The following IRAK1BP1 variants were observed in gnomAD, a reference collection of about 807,000 sequenced individuals.
IRAK1BP1 encodes interleukin-1 receptor-associated kinase 1-binding protein 1.
In IRAK1BP1, 24 loss-of-function variants were observed where a neutral mutation model predicts 28.0. The ratio of observed to expected loss-of-function variants is 0.86; its 90% CI spans 0.62 to 1.20. IRAK1BP1 has a LOEUF of 1.20. IRAK1BP1 is among the 50% of genes most tolerant of loss of function. The probability of loss-of-function intolerance (pLI) is 0.00; values close to 1 mark genes in which losing one functional copy is unlikely to be tolerated. For synonymous variants in IRAK1BP1, 131 were observed against 116.3 expected (o/e 1.13, Z -0.81); for missense variants, 336 against 316.7 (o/e 1.06, Z -0.46).
chr6:78,876,571 T>G (rs1771011905), intron 1 of IRAK1BP1, among the ~76,000 whole-genome samples: 1 of 152,198 alleles, frequency 6.6e-6, no homozygotes, highest in African/African-American at 2.4e-5. Flanking sequence ...TTGGCAGTAT[T>G]AACATTATGG....
At chr6:78,889,996 A>G (rs774750263) in intron 2 of IRAK1BP1, among the ~76,000 whole-genome samples, 1 of 152,238 alleles carries the variant, frequency 6.6e-6, no homozygotes, top group Non-Finnish European at 1.5e-5. Context: ...CACTATTTAC[A>G]ACAGCAACGA....
chr6:78,916,283 G>A (rs1772557203), intron 4 of IRAK1BP1, among the ~76,000 whole-genome samples: 1 of 151,854 alleles, frequency 6.6e-6, no homozygotes, highest in Non-Finnish European at 1.5e-5. Context: ...TCTTGCCTCA[G>A]TTTTGTTAAA....
the IRAK1BP1 span, among the ~76,000 whole-genome samples, chr6:78,974,245 T>G: frequency 6.6e-6 from 1 of 151,962 alleles, no homozygotes; most frequent in African/African-American, 2.4e-5. Context: ...CTCAACTACA[T>G]GGAAACTGAA....
At chr6:78,872,846 CTT>C (rs1770837648) in intron 1 of IRAK1BP1, among the ~76,000 whole-genome samples, 1 of 152,068 alleles carries the variant, frequency 6.6e-6, no homozygotes, top group South Asian at 2.1e-4. Flanking sequence ...ACTGCCATTT[CTT>C]TTTTATCATT....
At chr6:78,882,960 A>G (rs1771282992) in intron 1 of IRAK1BP1, among the ~76,000 whole-genome samples, 1 of 152,162 alleles carries the variant, frequency 6.6e-6, no homozygotes, top group African/African-American at 2.4e-5. Flanking sequence ...TTAAAAGTTT[A>G]TTTTAAAAAG....
At chr6:78,905,603 T>G (rs561289593), downstream of IRAK1BP1, among the ~76,000 whole-genome samples, 1 of 152,254 alleles carries the variant, frequency 6.6e-6, no homozygotes, top group African/African-American at 2.4e-5. Flanking sequence ...CTGCTACTTG[T>G]TAGAAATGTT....
chr6:78,870,188 A>G (rs1303922745), intron 1 of IRAK1BP1, among the ~76,000 whole-genome samples: 1 of 138,054 alleles, frequency 7.2e-6, no homozygotes, highest in Admixed American at 7.4e-5. Context: ...CCTCCCCTCT[A>G]TTGTATTTTT....
chr6:78,924,060 A>G (rs1242573003), intron 4 of IRAK1BP1, among the ~76,000 whole-genome samples: 1 of 152,186 alleles, frequency 6.6e-6, no homozygotes, highest in Non-Finnish European at 1.5e-5. Context: ...GCAAGAAATA[A>G]CTAAGATCAG....
At chr6:78,973,676 G>C in the IRAK1BP1 span, among the ~76,000 whole-genome samples, 6 of 150,902 alleles carry the variant, frequency 4.0e-5, no homozygotes, top group African/African-American at 1.5e-4. Context: ...TAAAAGGATG[G>C]AGGAAGATGT....
At chr6:78,957,319 C>T in the IRAK1BP1 span, 4 of 151,926 alleles carry the variant, frequency 2.6e-5, no homozygotes, top group South Asian at 2.1e-4. Context: ...AAATTACAGA[C>T]ATAAGAGTCT....
At chr6:78,968,241 T>A in the IRAK1BP1 span, among the ~76,000 whole-genome samples, 1 of 152,116 alleles carries the variant, frequency 6.6e-6, no homozygotes, top group South Asian at 2.1e-4. Flanking sequence ...AATGTTTTCA[T>A]CTATTTTACC....
chr6:78,913,913 G>A (rs9448595), intron 4 of IRAK1BP1, among the ~76,000 whole-genome samples: 14,377 of 152,232 alleles, frequency 0.094, 784 homozygotes, highest in Middle Eastern at 0.13. Context: ...ACATTTGCTA[G>A]TTGCTTCTTA....
exon 5 of IRAK1BP1, chr6:78,945,860 T>A (rs551701793): frequency 4.3e-5 from 29 of 675,630 alleles, no homozygotes; most frequent in African/African-American, 9.1e-5. Flanking sequence ...AACTTTTTTT[T>A]AAAATAGGAA....
chr6:78,894,755 TAC>T (rs1771818297), intron 2 of IRAK1BP1, among the ~76,000 whole-genome samples: 1 of 152,160 alleles, frequency 6.6e-6, no homozygotes, highest in South Asian at 2.1e-4. Context: ...AACAGCAGCC[TAC>T]ACATTCCTTT....
intron 4 of IRAK1BP1, among the ~76,000 whole-genome samples, chr6:78,924,323 T>C (rs1186305093): frequency 6.6e-6 from 1 of 152,110 alleles, no homozygotes; most frequent in Admixed American, 6.5e-5. Flanking sequence ...CTAGAAGAGA[T>C]GGATAAATTC....
Position 78,886,226 on chromosome 6 carries a change from G to A in IRAK1BP1, c.381+783G>A, listed in dbSNP as rs1385323158. Among the ~76,000 whole-genome samples the A allele has an allele frequency of 3.3e-5, 5 of 152,204 alleles. No individual in the cohort carries two copies. The East Asian group carries it at 9.7e-4, about 29-fold the overall frequency. The stretch of plus-strand genomic sequence containing the variant: ...ATTATTTTTCTGACTTTAAAGGTGT[G>A]ACTTTAGGTTCAAATCACTTAGGCC... On this transcript the variant is annotated intron_variant, in intron 2 of 3. Transcript: ENST00000369940.
At chr6:78,941,805 A>T (rs1773515980) in intron 4 of IRAK1BP1, among the ~76,000 whole-genome samples, 1 of 152,182 alleles carries the variant, frequency 6.6e-6, no homozygotes, top group Non-Finnish European at 1.5e-5. Flanking sequence ...TATATATATC[A>T]ATCAAAATCA....
intron 1 of IRAK1BP1, among the ~76,000 whole-genome samples, chr6:78,874,549 G>A (rs1296480609): frequency 6.6e-6 from 1 of 152,106 alleles, no homozygotes. Context: ...TAAAGCATTT[G>A]TAGGGCAAGT....
At chr6:78,930,272 A>G (rs1773008460) in intron 4 of IRAK1BP1, among the ~76,000 whole-genome samples, 1 of 152,306 alleles carries the variant, frequency 6.6e-6, no homozygotes, top group African/African-American at 2.4e-5. Flanking sequence ...GCTTGAACAT[A>G]ATTTCAAAGA....
Sources: gnomAD v4.1 joint callset for allele counts (sites outside exome capture counted in the v4.1 genomes callset) on GRCh38, gnomAD v4.1.1 for gene constraint, MANE v1.5 for transcripts, NCBI Gene and HGNC (gene_info 2026-07-23, HGNC 2026-07-21) for gene names.